The following AMDHD1 variants were observed in gnomAD, a reference collection of about 807,000 sequenced individuals.
AMDHD1 encodes probable imidazolonepropionase.
In AMDHD1, 45 loss-of-function variants were observed where a neutral mutation model predicts 44.1. That is an observed-to-expected ratio of 1.02 (90% confidence interval 0.80 to 1.31). The LOEUF (loss-of-function observed/expected upper bound fraction) is 1.31. AMDHD1 is among the 50% of genes most tolerant of loss of function. The probability of loss-of-function intolerance (pLI) is 0.00; values close to 1 mark genes in which losing one functional copy is unlikely to be tolerated. For missense variants in AMDHD1, 586 were observed against 552.1 expected, an observed-to-expected ratio of 1.06 and a Z score of -0.61; for synonymous variants, 206 against 205.0, an observed-to-expected ratio of 1.00 and a Z score of -0.04.
chr12:95,957,225 C>G (rs1156449729), intron 4 of AMDHD1, among the ~76,000 whole-genome samples: 1 of 152,082 alleles, frequency 6.6e-6, no homozygotes, highest in African/African-American at 2.4e-5. Flanking sequence ...CCGTGTAGGT[C>G]GTTTAAAATT....
intron 4 of AMDHD1, among the ~76,000 whole-genome samples, chr12:95,958,048 A>C (rs1565978091): frequency 1.3e-5 from 2 of 151,324 alleles, no homozygotes; most frequent in Non-Finnish European, 3.0e-5. Context: ...GCAAAACTCT[A>C]TCTCAAAAAA....
rs78863825 is a variant in AMDHD1, at chr12:95,965,629, A to T, written c.939-57A>T. 14 of 1,169,624 alleles carry T rather than the reference A, an allele frequency of 1.2e-5. No individual in the cohort carries two copies. In the East Asian group the frequency reaches 3.3e-4, roughly 28 times the overall value. The allele number at this position is 1,169,624 out of a possible 1,614,324, so 72.5% of individuals were successfully genotyped here. On this transcript the variant is annotated intron_variant, in intron 6 of 8. Transcript: ENST00000266736. ...TCTCAAGTTCTCTTCTGTTCTGAAC[A>T]GCTATTCTACAAAAGCTCCCATTCT...
rs12318063 is a variant in AMDHD1, at chr12:95,952,930, A to T, written c.244+107A>T. 5.6e-3 allele frequency: 3,575 copies of T among 642,986 alleles called. 91 individuals carry two copies. The highest frequency in any genetic ancestry group is 0.054 in the African/African-American group (2,963 of 54,622). 39.8% of individuals were successfully genotyped at this position (642,986 alleles called of 1,614,324 possible). A position where few individuals can be genotyped will look rare whatever the true frequency, so the allele number is the denominator to read the frequency against. On this transcript the variant is annotated intron_variant, in intron 2 of 8. Transcript: ENST00000266736. ...ATTTTAAAGTCTCAAAATAATATTT[A>T]AAAAAAATCATCGTTCCATGTATTG...
At chr12:95,964,022 G>A (rs971048074) in intron 6 of AMDHD1, among the ~76,000 whole-genome samples, 82 of 116,532 alleles carry the variant, frequency 7.0e-4, no homozygotes, top group Admixed American at 1.9e-3. Flanking sequence ...GAGTGAGTGA[G>A]ATTCCATCTT....
chr12:95,967,784 G>C lies in AMDHD1; in HGVS notation c.1222G>C (p.Gly408Arg), dbSNP rs2080619383. 3 of 1,589,700 alleles carry C rather than the reference G, an allele frequency of 1.9e-6. No individual in the cohort carries two copies. Among genetic ancestry groups the C allele is most frequent in the Non-Finnish European group, 2.6e-6 (3 of 1,171,322 alleles). Residue 408 changes from glycine (G) to arginine (R), a missense_variant, in exon 9 of 9, where the codon GGC (glycine) becomes CGC (arginine). Transcript: ENST00000266736. Reference protein sequence around the residue: ...RWEHLIYQFGGHHELIEYVIA... With the variant: ...RWEHLIYQFGRHHELIEYVIA... ...GGAGCATTTGATTTACCAGTTCGGA[G>C]GCCATCATGAATTAATTGAATATGT... is the stretch of plus-strand genomic sequence containing the variant.
chr12:95,967,343 A>G (rs141850363), intron 8 of AMDHD1, among the ~76,000 whole-genome samples: 2 of 152,210 alleles, frequency 1.3e-5, no homozygotes, highest in South Asian at 2.1e-4. Flanking sequence ...GCAGCAAACC[A>G]TATCAGGGTT....
chr12:95,957,255 A>G (rs1592824063), intron 4 of AMDHD1, among the ~76,000 whole-genome samples: 1 of 152,308 alleles, frequency 6.6e-6, no homozygotes, highest in East Asian at 1.9e-4. Flanking sequence ...AATTTGAATA[A>G]TTTCCCATGA....
chr12:95,957,854 A>G (rs2080559922), intron 4 of AMDHD1, among the ~76,000 whole-genome samples: 1 of 152,184 alleles, frequency 6.6e-6, no homozygotes. Flanking sequence ...GGAGTTTGAG[A>G]CCAACCTGGC....
chr12:95,955,912 G>A (rs1321294417), intron 3 of AMDHD1, among the ~76,000 whole-genome samples: 1 of 152,180 alleles, frequency 6.6e-6, no homozygotes. Context: ...TTGAGACAAG[G>A]AAACTTCCTG....
intron 1 of AMDHD1, among the ~76,000 whole-genome samples, chr12:95,949,150 AAAAAAAAAAG>A (rs1301349222): frequency 1.4e-5 from 2 of 146,194 alleles, no homozygotes; most frequent in Non-Finnish European, 3.0e-5. Flanking sequence ...TAAAAAAAAA[AAAAAAAAAAG>A]AAAAAAAAAA....
In AMDHD1 at chr12:95,962,391, C is replaced by T; in HGVS notation, c.850C>T (p.Leu284=). 1 of 1,613,894 alleles carries T rather than the reference C, an allele frequency of 6.2e-7. No individual in the cohort carries two copies. Among genetic ancestry groups the T allele is most frequent in the Non-Finnish European group, 8.5e-7 (1 of 1,179,916 alleles). Residue 284 remains leucine (L), a synonymous_variant, in exon 6 of 9, where the codon CTG becomes TTG. Transcript: ENST00000266736. The part of the protein sequence containing the change: ...AELGAQAISH[L]EEVSDEGIVA... ...ACTGGGAGCGCAGGCAATCAGCCACCTGGAAGAAGTGAGTGATGAAGGCAT... is the reference window on the plus strand; with the variant it reads ...ACTGGGAGCGCAGGCAATCAGCCACTTGGAAGAAGTGAGTGATGAAGGCAT...
In AMDHD1 at chr12:95,963,747, C is replaced by T. The variant is rs61939239; in HGVS notation, c.938+1268C>T. Among the ~76,000 whole-genome samples the T allele has an allele frequency of 2.4e-3, 367 of 152,214 alleles. 1 individual carries two copies. The highest frequency in any genetic ancestry group is 4.5e-3 in the Non-Finnish European group (307 of 68,004). ...TTTTTTGGAAAGAAAAGGCTTTCTT[C>T]GGCTGGGCACAGTGGCTCACGCCTG... On this transcript the variant is annotated intron_variant, in intron 6 of 8. Coordinates refer to ENST00000266736, the MANE Select transcript of AMDHD1 (RefSeq NM_152435.3).
In AMDHD1 at chr12:95,968,179, G is replaced by A. The variant is rs1195440170; in HGVS notation, c.*336G>A. ...AGGCTTGGCTTAAAATTTCCATTTTGTGTCTGTATTTCACATCTCAGTTTT... is the reference window on the plus strand; with the variant it reads ...AGGCTTGGCTTAAAATTTCCATTTTATGTCTGTATTTCACATCTCAGTTTT... On this transcript the variant is annotated 3_prime_UTR_variant, in exon 9 of 9. Coordinates refer to ENST00000266736, the MANE Select transcript of AMDHD1 (RefSeq NM_152435.3). The A allele has an allele frequency of 5.5e-6, 1 of 183,472 alleles. No homozygotes were observed. The highest frequency in any genetic ancestry group is 1.7e-4 in the East Asian group (1 of 5,956). 11.4% of individuals were successfully genotyped at this position (183,472 alleles called of 1,614,324 possible). A position where few individuals can be genotyped will look rare whatever the true frequency, so the allele number is the denominator to read the frequency against.
At chr12:95,963,307 G>A (rs2080592112) in intron 6 of AMDHD1, among the ~76,000 whole-genome samples, 2 of 152,120 alleles carry the variant, frequency 1.3e-5, no homozygotes, top group Non-Finnish European at 2.9e-5. Flanking sequence ...GACATTTCTA[G>A]TTGTCACAAC....
chr12:95,945,262 C>T (rs1452695922), intron 1 of AMDHD1, among the ~76,000 whole-genome samples: 3 of 152,154 alleles, frequency 2.0e-5, no homozygotes, highest in African/African-American at 4.8e-5. Flanking sequence ...AGGGAGCTGA[C>T]TTGTGGTCTG....
intron 2 of AMDHD1, 80 bp from the exon 3 acceptor site, chr12:95,954,831 G>T (rs1043655518): frequency 3.3e-5 from 43 of 1,291,226 alleles, no homozygotes; most frequent in Non-Finnish European, 4.2e-5. Context: ...CAGAGCAGCA[G>T]GGTATAGTGC....
intron 6 of AMDHD1, among the ~76,000 whole-genome samples, chr12:95,963,906 G>T (rs1301985671): frequency 1.3e-5 from 2 of 152,012 alleles, no homozygotes; most frequent in East Asian, 3.9e-4. Flanking sequence ...GCGCGCGCCT[G>T]TAGTCCCAAC....
At chr12:95,960,377 C>A (rs1467350390) in intron 4 of AMDHD1, 21 bp from the exon 5 acceptor site, 1 of 1,604,802 alleles carries the variant, frequency 6.2e-7, no homozygotes, top group South Asian at 1.1e-5. Context: ...TTGCCCATGG[C>A]AATCTCATTT....
intron 1 of AMDHD1, among the ~76,000 whole-genome samples, chr12:95,948,321 G>GC (rs2080509811): frequency 2.4e-5 from 2 of 83,632 alleles, no homozygotes; most frequent in Admixed American, 1.2e-4. Flanking sequence ...GGGGGGGTCA[G>GC]CCCCCCACCC....
Sources: allele counts gnomAD v4.1 joint callset (sites outside exome capture counted in the v4.1 genomes callset), GRCh38; gene constraint gnomAD v4.1.1; transcripts MANE v1.5; gene names NCBI Gene and HGNC (gene_info 2026-07-23, HGNC 2026-07-21).